Variants in SV2B observed in about 807,000 individuals in gnomAD.
The protein encoded by SV2B is solute carrier family 22 member B2.
SV2B carries 41 observed loss-of-function variants against 73.9 expected under a neutral mutation model. The observed-to-expected ratio is 0.56, with a 90% confidence interval of 0.43 to 0.72. SV2B has a LOEUF of 0.72. Ranked by LOEUF, SV2B falls within the 30% of genes least tolerant of loss-of-function variation. SV2B has a pLI of 0.00. For synonymous variants in SV2B, 314 were observed against 314.2 expected (o/e 1.00, Z 0.01); for missense variants, 764 against 857.8 (o/e 0.89, Z 1.37).
chr15:91,196,564 G>A (rs2045252405), intron 1 of SV2B, among the ~76,000 whole-genome samples: 1 of 152,134 alleles, frequency 6.6e-6, no homozygotes, highest in Admixed American at 6.5e-5. Context: ...AAGAGTGGCT[G>A]AGCTGGTTGG....
chr15:91,212,929 C>A (rs1379588908), intron 1 of SV2B, among the ~76,000 whole-genome samples: 1 of 151,368 alleles, frequency 6.6e-6, no homozygotes, highest in Admixed American at 6.6e-5. Flanking sequence ...TCACTTGAGG[C>A]CAGGAGTTTG....
At chr15:91,176,142 T>A (rs1284177783) in intron 1 of SV2B, among the ~76,000 whole-genome samples, 1 of 151,892 alleles carries the variant, frequency 6.6e-6, no homozygotes, top group Non-Finnish European at 1.5e-5. Flanking sequence ...ATGCGGTGTT[T>A]GGTTTTTTGT....
intron 2 of SV2B, among the ~76,000 whole-genome samples, chr15:91,249,605 C>T (rs911743673): frequency 6.6e-6 from 1 of 151,932 alleles, no homozygotes; most frequent in Non-Finnish European, 1.5e-5. Flanking sequence ...AAAAGATAAA[C>T]AAAACTGACA....
intron 1 of SV2B, among the ~76,000 whole-genome samples, chr15:91,116,841 G>A (rs1224062787): frequency 1.3e-5 from 2 of 152,224 alleles, no homozygotes; most frequent in Admixed American, 1.3e-4. Flanking sequence ...GGAAGGCAAA[G>A]GAAGGGCAAA....
rs142777302 is a variant in SV2B, at chr15:91,122,221, A to G, written c.-392+21858A>G. On this transcript the variant is annotated intron_variant, in intron 1 of 12. Transcript: ENST00000394232. The surrounding 1 kb of genome is among the most constrained non-coding windows in gnomAD (Gnocchi z 4.3). The stretch of plus-strand genomic sequence containing the variant: ...GTATTATCTCATCGATATATGTTCC[A>G]TTAAAGCCAGGGGTGTCGTAGATGC... 1.7e-4 allele frequency among the ~76,000 whole-genome samples: 26 copies of G among 152,324 alleles called. No individual in the cohort carries two copies. The highest frequency in any genetic ancestry group is 5.3e-4 in the African/African-American group (22 of 41,566).
In SV2B at chr15:91,232,066, T is replaced by C. The variant is rs771443760; in HGVS notation, c.451+5352T>C. Among the ~76,000 whole-genome samples, 6 of 152,222 alleles carry C rather than the reference T, an allele frequency of 3.9e-5. No individual in the cohort carries two copies. The highest frequency in any genetic ancestry group is 3.2e-3 in the Middle Eastern group (1 of 316). On this transcript the variant is annotated intron_variant, in intron 2 of 12. Coordinates refer to ENST00000394232, the MANE Select transcript of SV2B (RefSeq NM_001323032.3). The surrounding 1 kb of genome is among the most constrained non-coding windows in gnomAD (Gnocchi z 4.7). ...GCATCAGGGCATAATATTTGATTTA[T>C]GAGCCGTGTTTTCTTTAGGCCTAAA...
intron 1 of SV2B, among the ~76,000 whole-genome samples, chr15:91,113,839 C>T (rs1332486011): frequency 6.6e-6 from 1 of 152,050 alleles, no homozygotes; most frequent in East Asian, 1.9e-4. Flanking sequence ...GCAGTAAGGT[C>T]TATTTTCTGG....
intron 1 of SV2B, among the ~76,000 whole-genome samples, chr15:91,204,033 G>T (rs909073380): frequency 2.0e-5 from 3 of 152,164 alleles, no homozygotes; most frequent in African/African-American, 7.2e-5. Context: ...TTGAGCCCTG[G>T]TTGGGTGGTT....
At position 91,281,936 on chromosome 15, in the gene SV2B, A is replaced by G. The variant is rs2048695415; in HGVS notation, c.1507+75A>G. On this transcript the variant is annotated intron_variant, in intron 10 of 12. Coordinates refer to ENST00000394232, the MANE Select transcript of SV2B (RefSeq NM_001323032.3). This position sits in a 1 kb window ranked among gnomAD's most constrained non-coding sequence, Gnocchi z 4.7. ...GTGTTGTCCAAGAATCAAAATGGTCAGGCATAAACTTTAGGAGTAGGAAAG... is the reference window on the plus strand; with the variant it reads ...GTGTTGTCCAAGAATCAAAATGGTCGGGCATAAACTTTAGGAGTAGGAAAG... 2.0e-6 allele frequency: 3 copies of G among 1,482,096 alleles called. No homozygotes were observed. The highest frequency in any genetic ancestry group is 3.0e-5 in the African/African-American group (2 of 65,602). The allele number at this position is 1,482,096 out of a possible 1,614,324, so 91.8% of individuals were successfully genotyped here. A position where few individuals can be genotyped will look rare whatever the true frequency, so the allele number is the denominator to read the frequency against.
intron 9 of SV2B, among the ~76,000 whole-genome samples, chr15:91,275,240 T>C (rs1432711819): frequency 2.0e-5 from 3 of 152,194 alleles, no homozygotes; most frequent in South Asian, 2.1e-4. Context: ...ATTATTTTCA[T>C]AATTCCATTT....
At chr15:91,153,233 A>T (rs1199911857) in intron 1 of SV2B, among the ~76,000 whole-genome samples, 1 of 152,182 alleles carries the variant, frequency 6.6e-6, no homozygotes, top group Non-Finnish European at 1.5e-5. Flanking sequence ...CTATCATCTT[A>T]GGGGTTAAGT....
chr15:91,172,080 A>G (rs1166924045), intron 1 of SV2B, among the ~76,000 whole-genome samples: 1 of 152,202 alleles, frequency 6.6e-6, no homozygotes, highest in African/African-American at 2.4e-5. Context: ...CTCTACACTA[A>G]AAATTGGTAT....
Position 91,281,596 on chromosome 15 carries a change from C to G in SV2B, c.1374-132C>G. On this transcript the variant is annotated intron_variant, in intron 9 of 12. Transcript: ENST00000394232. This position sits in a 1 kb window ranked among gnomAD's most constrained non-coding sequence, Gnocchi z 4.7. ...AACAGCTAAGAAGTGGGGAAGTGGTCTGGGTTGAAAATAATGCTCTGGCAC... is the reference window on the plus strand; with the variant it reads ...AACAGCTAAGAAGTGGGGAAGTGGTGTGGGTTGAAAATAATGCTCTGGCAC... 9.5e-7 allele frequency: 1 copy of G among 1,054,396 alleles called. No individual in the cohort carries two copies. The highest frequency in any genetic ancestry group is 1.3e-6 in the Non-Finnish European group (1 of 745,908). The allele number at this position is 1,054,396 out of a possible 1,614,324, so 65.3% of individuals were successfully genotyped here.
chr15:91,162,595 G>A (rs1287732285), intron 1 of SV2B, among the ~76,000 whole-genome samples: 3 of 152,034 alleles, frequency 2.0e-5, no homozygotes, highest in Non-Finnish European at 4.4e-5. Flanking sequence ...CTCTGCTCAG[G>A]GCATCACCAA....
At chr15:91,222,470 C>G (rs557174834) in intron 1 of SV2B, among the ~76,000 whole-genome samples, 1 of 152,128 alleles carries the variant, frequency 6.6e-6, no homozygotes. Context: ...AGGGGTAGAT[C>G]TTCTGAGAAT....
At chr15:91,194,898 G>T (rs866041398) in intron 1 of SV2B, among the ~76,000 whole-genome samples, 22 of 152,192 alleles carry the variant, frequency 1.4e-4, no homozygotes, top group Admixed American at 3.9e-4. Context: ...TGTCTATGTG[G>T]TTGTGTCTAA....
intron 1 of SV2B, among the ~76,000 whole-genome samples, chr15:91,172,217 C>A (rs749065177): frequency 2.0e-5 from 3 of 152,244 alleles, no homozygotes; most frequent in Non-Finnish European, 4.4e-5. Flanking sequence ...TCTCCTCCCC[C>A]TCTGCATCCC....
In SV2B at chr15:91,236,182, A is replaced by G. The variant is rs1447956837; in HGVS notation, c.451+9468A>G. Reference sequence around the variant, plus strand: ...ATCTCCCTTGGCAATGTCACCTTCAAAGACTTTAATGAGTTGTTTTTCCTC... The same window carrying G: ...ATCTCCCTTGGCAATGTCACCTTCAGAGACTTTAATGAGTTGTTTTTCCTC... On this transcript the variant is annotated intron_variant, in intron 2 of 12. Coordinates refer to ENST00000394232, the MANE Select transcript of SV2B (RefSeq NM_001323032.3). The surrounding 1 kb of genome is among the most constrained non-coding windows in gnomAD (Gnocchi z 4.1). 2.0e-5 allele frequency among the ~76,000 whole-genome samples: 3 copies of G among 152,202 alleles called. No homozygotes were observed. The highest frequency in any genetic ancestry group is 4.4e-5 in the Non-Finnish European group (3 of 68,036).
At position 91,123,347 on chromosome 15, in the gene SV2B, G is replaced by A. The variant is rs2042390407; in HGVS notation, c.-392+22984G>A. 1.3e-5 allele frequency among the ~76,000 whole-genome samples: 2 copies of A among 152,186 alleles called. No individual in the cohort carries two copies. The highest frequency in any genetic ancestry group is 2.9e-5 in the Non-Finnish European group (2 of 68,026). Reference sequence around the variant, plus strand: ...CACACATACACACACAAAAAGATAAGTCTGTGAGGTTTAGCTTGGTTTAGC... The same window carrying A: ...CACACATACACACACAAAAAGATAAATCTGTGAGGTTTAGCTTGGTTTAGC... On this transcript the variant is annotated intron_variant, in intron 1 of 12. Coordinates refer to ENST00000394232, the MANE Select transcript of SV2B (RefSeq NM_001323032.3). The surrounding 1 kb of genome is among the most constrained non-coding windows in gnomAD (Gnocchi z 4.7).
Sources: gnomAD v4.1 joint callset for allele counts (sites outside exome capture counted in the v4.1 genomes callset) on GRCh38, gnomAD v4.1.1 for gene constraint, Gnocchi (gnomAD v3.1) non-coding constraint, MANE v1.5 for transcripts, NCBI Gene and HGNC (gene_info 2026-07-23, HGNC 2026-07-21) for gene names.